The following NDST1 variants were observed in gnomAD, a reference collection of about 807,000 sequenced individuals.
NDST1 encodes the protein N-deacetylase and N-sulfotransferase 1, also known as bifunctional heparan sulfate N-deacetylase/N-sulfotransferase 1.
Under a neutral mutation model 92.8 loss-of-function variants are expected in NDST1, and 35 were observed. That is an observed-to-expected ratio of 0.38 (90% CI 0.29 to 0.50). The LOEUF is 0.50. Among genes scored for constraint, NDST1 ranks in the 20% least tolerant of loss-of-function variants. The probability of loss-of-function intolerance (pLI) is 0.94; values close to 1 mark genes in which losing one functional copy is unlikely to be tolerated. For missense variants in NDST1, 822 were observed against 1,182.7 expected, an observed-to-expected ratio of 0.69 and a Z score of 4.47; for synonymous variants, 493 against 500.3, an observed-to-expected ratio of 0.99 and a Z score of 0.19.
Position 150,557,960 on chromosome 5 carries a change from T to A in NDST1, c.*4628T>A, listed in dbSNP as rs1755907304. 6.6e-6 allele frequency: 1 copy of A among 151,922 alleles called. No homozygotes were observed. Among genetic ancestry groups the A allele is most frequent in the Non-Finnish European group, 1.5e-5 (1 of 67,810 alleles). The allele number at this position is 151,922 out of a possible 1,614,324, so 9.4% of individuals were successfully genotyped here. A position where few individuals can be genotyped will look rare whatever the true frequency, so the allele number is the denominator to read the frequency against. On this transcript the variant is annotated 3_prime_UTR_variant, in exon 15 of 15. Transcript: ENST00000261797. This position sits in a 1 kb window ranked among gnomAD's most constrained non-coding sequence, Gnocchi z 4.7. ...TTAGCAAGAGGGCTCCTTTTGTAAT[T>A]TGTGCATGAAATTCATGTCATTTCC...
intron 11 of NDST1, among the ~76,000 whole-genome samples, chr5:150,545,824 G>A (rs1056732334): frequency 6.6e-6 from 1 of 152,092 alleles, no homozygotes; most frequent in South Asian, 2.1e-4. Flanking sequence ...TAGCTTCCTC[G>A]CTGGACACGG....
chr5:150,528,045 T>C lies in NDST1; in HGVS notation c.755T>C (p.Leu252Pro), dbSNP rs142755613. The C allele has an allele frequency of 1.9e-6, 3 of 1,613,364 alleles. No homozygotes were observed. The African/African-American group carries it at 4.0e-5, about 22-fold the overall frequency. The change falls in exon 3 of 15, where the codon CTG becomes CCG. Residue 252 changes from leucine (L) to proline (P), a missense_variant. Leu to Pro is a moderately conservative substitution (Grantham distance 98). Transcript: ENST00000261797. ...KTRSSESIPHLGADAGLHAAL... is the reference protein window; with the variant it reads ...KTRSSESIPHPGADAGLHAAL... ...CGCTCGTCTGAGTCCATCCCACACC[T>C]GGGCGCAGACGCCGGCCTGCATGCT...
chr5:150,511,276 T>C (rs575451691), intron 1 of NDST1, among the ~76,000 whole-genome samples: 10 of 152,294 alleles, frequency 6.6e-5, no homozygotes, highest in African/African-American at 2.4e-4. Context: ...GGCACAAGGC[T>C]CTTGAGTACC....
chr5:150,525,926 A>C (rs1402249707), intron 2 of NDST1, among the ~76,000 whole-genome samples: 1 of 152,126 alleles, frequency 6.6e-6, no homozygotes, highest in East Asian at 1.9e-4. Context: ...AGAACCTGTC[A>C]TCCTTTGATG....
intron 7 of NDST1, chr5:150,539,768 A>T (rs1755161189): frequency 1.0e-6 from 1 of 985,258 alleles, no homozygotes; most frequent in Non-Finnish European, 1.2e-6. Context: ...GGTGGTTGTT[A>T]TTCAGCTCTG....
chr5:150,535,817 A>G lies in NDST1; in HGVS notation c.1369A>G (p.Ser457Gly), dbSNP rs1171241571. The G allele has an allele frequency of 1.2e-6, 2 of 1,614,164 alleles. No individual in the cohort carries two copies. The highest frequency in any genetic ancestry group is 1.7e-6 in the Non-Finnish European group (2 of 1,180,028). Reference sequence around the variant, plus strand: ...GCAGGTGTGGAGCATCCGCGTGACCAGCACGGAGGAGTACCCCCACCTGAA... The same window carrying G: ...GCAGGTGTGGAGCATCCGCGTGACCGGCACGGAGGAGTACCCCCACCTGAA... ...WKQVWSIRVT[S>G]TEEYPHLKPA... is the part of the protein sequence containing the mutation. The change falls in exon 6 of 15, where the codon AGC (serine) becomes GGC (glycine). Residue 457 changes from serine to glycine, a missense_variant. Physicochemically the swap from Ser to Gly is moderately conservative, Grantham distance 56. Coordinates refer to ENST00000261797, the MANE Select transcript of NDST1 (RefSeq NM_001543.5).
At chr5:150,514,417 C>T (rs113409833) in intron 1 of NDST1, among the ~76,000 whole-genome samples, 395 of 151,944 alleles carry the variant, frequency 2.6e-3, no homozygotes, top group Non-Finnish European at 4.4e-3. Context: ...AAAAATTAGC[C>T]GGGAATGATG....
Position 150,521,162 on chromosome 5 carries a change from G to T in NDST1, c.-93G>T. 8.6e-7 allele frequency: 1 copy of T among 1,169,020 alleles called. No individual in the cohort carries two copies. The highest frequency in any genetic ancestry group is 1.4e-5 in the South Asian group (1 of 70,704). 72.4% of individuals were successfully genotyped at this position (1,169,020 alleles called of 1,614,324 possible). A position where few individuals can be genotyped will look rare whatever the true frequency, so the allele number is the denominator to read the frequency against. ...TTCCTAAGTCTCTGTGAATTTGTTG[G>T]TCAGTGGACGATTCTCGTGTCTCCT... On this transcript the variant is annotated 5_prime_UTR_variant, in exon 2 of 15. Transcript: ENST00000261797. This position sits in a 1 kb window ranked among gnomAD's most constrained non-coding sequence, Gnocchi z 5.9.
At chr5:150,499,290 G>T (rs760642557) in intron 1 of NDST1, among the ~76,000 whole-genome samples, 20 of 152,186 alleles carry the variant, frequency 1.3e-4, no homozygotes, top group Non-Finnish European at 2.2e-4. Flanking sequence ...GGAAAACCTT[G>T]AGCCTACATT....
At chr5:150,514,411 A>G (rs1490433181) in intron 1 of NDST1, among the ~76,000 whole-genome samples, 3 of 152,148 alleles carry the variant, frequency 2.0e-5, no homozygotes, top group African/African-American at 7.2e-5. Context: ...ATCTACAAAA[A>G]TTAGCCGGGA....
intron 13 of NDST1, among the ~76,000 whole-genome samples, chr5:150,550,248 T>A (rs1341350567): frequency 1.3e-5 from 2 of 151,918 alleles, no homozygotes; most frequent in East Asian, 3.9e-4. Flanking sequence ...ACCGCAGACA[T>A]GTGCCACCAT....
At chr5:150,538,532 G>T (rs1005907639) in intron 6 of NDST1, among the ~76,000 whole-genome samples, 2 of 152,212 alleles carry the variant, frequency 1.3e-5, no homozygotes, top group Non-Finnish European at 2.9e-5. Flanking sequence ...GGTTAGATGA[G>T]TTAGATATAG....
chr5:150,515,467 G>A (rs1177562949), intron 1 of NDST1, among the ~76,000 whole-genome samples: 2 of 152,230 alleles, frequency 1.3e-5, no homozygotes, highest in Non-Finnish European at 2.9e-5. Flanking sequence ...GGGATGAGGC[G>A]GGAGCCTGAG....
chr5:150,543,590 T>C (rs1440298261), intron 10 of NDST1, among the ~76,000 whole-genome samples: 1 of 152,344 alleles, frequency 6.6e-6, no homozygotes, highest in Middle Eastern at 3.4e-3. Context: ...AAATGTTTCA[T>C]GTCAGGTAGG....
rs192070294 is a variant in NDST1, at chr5:150,541,894, G to A, written c.1846+228G>A. Among the ~76,000 whole-genome samples, 765 of 152,302 alleles carry A rather than the reference G, an allele frequency of 5.0e-3. 5 individuals are homozygous for A. Among genetic ancestry groups the A allele is most frequent in the African/African-American group, 0.017 (726 of 41,556 alleles). ...TTATCCTGAACCATAGCCTCAGGGA[G>A]CTCTCCCTGCATTATCCTGGGAGTC... On this transcript the variant is annotated intron_variant, in intron 9 of 14. Transcript: ENST00000261797.
upstream of NDST1, among the ~76,000 whole-genome samples, chr5:150,505,091 CT>C (rs1484724264): frequency 1.3e-5 from 2 of 152,218 alleles, no homozygotes; most frequent in Non-Finnish European, 2.9e-5. Flanking sequence ...TGTGAAAATG[CT>C]TTGCATCTGT....
intron 1 of NDST1, among the ~76,000 whole-genome samples, chr5:150,498,748 C>G (rs1173140807): frequency 6.6e-6 from 1 of 152,186 alleles, no homozygotes; most frequent in Non-Finnish European, 1.5e-5. Flanking sequence ...GAAATTGGAC[C>G]CTTGCTATTC....
chr5:150,552,665 G>A (rs992824595), intron 14 of NDST1: 8 of 191,712 alleles, frequency 4.2e-5, no homozygotes, highest in East Asian at 4.0e-4. Flanking sequence ...GGCCCTGCCC[G>A]CCTTGGGTTT....
rs555533883 is a variant in NDST1, at chr5:150,521,931, A to G, written c.513+164A>G. Reference sequence around the variant, plus strand: ...AAAGCACTGGGAGCATGCGGTGCCCACTGCCTGGCAAGTGCTTTGTAAGTA... The same window carrying G: ...AAAGCACTGGGAGCATGCGGTGCCCGCTGCCTGGCAAGTGCTTTGTAAGTA... On this transcript the variant is annotated intron_variant, in intron 2 of 14. Coordinates refer to ENST00000261797, the MANE Select transcript of NDST1 (RefSeq NM_001543.5). This position sits in a 1 kb window ranked among gnomAD's most constrained non-coding sequence, Gnocchi z 5.9. Among the ~76,000 whole-genome samples the G allele has an allele frequency of 1.2e-4, 19 of 152,298 alleles. No individual in the cohort carries two copies. Among genetic ancestry groups the G allele is most frequent in the African/African-American group, 4.6e-4 (19 of 41,564 alleles).
Sources: gnomAD v4.1 joint callset for allele counts (sites outside exome capture counted in the v4.1 genomes callset) on GRCh38, gnomAD v4.1.1 for gene constraint, Gnocchi (gnomAD v3.1) non-coding constraint, MANE v1.5 for transcripts, NCBI Gene and HGNC (gene_info 2026-07-23, HGNC 2026-07-21) for gene names.